OTUD7A: variants seen among roughly 807,000 people sequenced by gnomAD.
The protein encoded by OTUD7A is OTU domain-containing protein 7A.
A neutral mutation model predicts 65.7 loss-of-function variants in OTUD7A; 12 were observed. That is an observed-to-expected ratio of 0.18 (90% confidence interval 0.12 to 0.30). The LOEUF (loss-of-function observed/expected upper bound fraction) is 0.30. Ranked by LOEUF, OTUD7A falls within the 10% of genes least tolerant of loss-of-function variation. The probability of loss-of-function intolerance (pLI) is 1.00; values close to 1 mark genes in which losing one functional copy is unlikely to be tolerated. For missense variants in OTUD7A, 1,148 were observed against 1,304.8 expected (o/e 0.88, Z 1.85); for synonymous variants, 641 against 586.3 (o/e 1.09, Z -1.35).
intron 1 of OTUD7A, among the ~76,000 whole-genome samples, chr15:31,725,724 T>C (rs1893865744): frequency 6.6e-6 from 1 of 152,222 alleles, no homozygotes; most frequent in Non-Finnish European, 1.5e-5. Flanking sequence ...AAGTGGCAGA[T>C]GTCATTTTAA....
chr15:31,663,962 T>C (rs1399986738), intron 1 of OTUD7A, among the ~76,000 whole-genome samples: 1 of 152,196 alleles, frequency 6.6e-6, no homozygotes, highest in Non-Finnish European at 1.5e-5. Flanking sequence ...CTTAGAATAA[T>C]AGTCTCCAGT....
chr15:31,678,518 G>C (rs1437075095), intron 1 of OTUD7A, among the ~76,000 whole-genome samples: 4 of 152,206 alleles, frequency 2.6e-5, no homozygotes, highest in Non-Finnish European at 5.9e-5. Context: ...TTGCTGCTTT[G>C]TGCAGTCTCA....
chr15:31,547,581 A>G (rs1383082265), intron 5 of OTUD7A, among the ~76,000 whole-genome samples: 1 of 152,230 alleles, frequency 6.6e-6, no homozygotes, highest in Non-Finnish European at 1.5e-5. Context: ...ACAATGCAAT[A>G]GTGACTTAAT....
intron 8 of OTUD7A, among the ~76,000 whole-genome samples, chr15:31,515,628 C>G (rs2041836639): frequency 8.4e-6 from 1 of 118,860 alleles, no homozygotes; most frequent in Non-Finnish European, 1.8e-5. Flanking sequence ...CCACCCATCT[C>G]TCTTCCTTCC....
intron 8 of OTUD7A, among the ~76,000 whole-genome samples, chr15:31,505,451 G>A (rs1183491285): frequency 6.6e-6 from 1 of 152,140 alleles, no homozygotes; most frequent in Non-Finnish European, 1.5e-5. Context: ...ACAGGTCTTT[G>A]AATAAATTTT....
chr15:31,624,505 C>T (rs1890892751), intron 3 of OTUD7A, among the ~76,000 whole-genome samples: 1 of 151,882 alleles, frequency 6.6e-6, no homozygotes, highest in Non-Finnish European at 1.5e-5. Context: ...ACTGGGTTGG[C>T]CCCAGAGGGA....
chr15:31,487,841 G>A lies in OTUD7A; in HGVS notation c.1172-275C>T, dbSNP rs368619544. ...AGATACTCCATTGGGCAGCAGAATG[G>A]GAAAAAAGCTATTGCTGCCTCTGCT... On this transcript the variant is annotated intron_variant, in intron 10 of 12. Coordinates refer to ENST00000307050, the MANE Select transcript of OTUD7A (RefSeq NM_001382637.1). The surrounding 1 kb of genome is among the most constrained non-coding windows in gnomAD (Gnocchi z 6.0). 1.3e-5 allele frequency among the ~76,000 whole-genome samples: 2 copies of A among 152,160 alleles called. No individual in the cohort carries two copies. The highest frequency in any genetic ancestry group is 4.1e-4 in the South Asian group (2 of 4,828).
chr15:31,641,428 C>T (rs1891513841), intron 3 of OTUD7A, among the ~76,000 whole-genome samples: 1 of 152,036 alleles, frequency 6.6e-6, no homozygotes, highest in Non-Finnish European at 1.5e-5. Flanking sequence ...ATTCTCTGTC[C>T]TGGGATTTAT....
At chr15:31,634,837 C>T (rs1205273907) in intron 3 of OTUD7A, among the ~76,000 whole-genome samples, 1 of 152,216 alleles carries the variant, frequency 6.6e-6, no homozygotes, top group Non-Finnish European at 1.5e-5. Flanking sequence ...CTATCGGGCT[C>T]TGACTGAAAC....
chr15:31,855,310 A>C (rs901789070), intron 1 of OTUD7A, among the ~76,000 whole-genome samples: 8 of 152,244 alleles, frequency 5.3e-5, no homozygotes, highest in East Asian at 1.9e-4. Flanking sequence ...AAAAGACAGG[A>C]GAAATATCTC....
intron 1 of OTUD7A, among the ~76,000 whole-genome samples, chr15:31,817,258 AC>A (rs1429412974): frequency 7.2e-6 from 1 of 139,458 alleles, no homozygotes; most frequent in Non-Finnish European, 1.5e-5. Context: ...TTTGTATTAC[AC>A]CACCCTAGAT....
At chr15:31,754,489 C>T (rs1188840922) in intron 1 of OTUD7A, among the ~76,000 whole-genome samples, 2 of 152,104 alleles carry the variant, frequency 1.3e-5, no homozygotes, top group Non-Finnish European at 2.9e-5. Context: ...TTTATAGTTT[C>T]ATGTCTTAGA....
At chr15:31,506,193 C>A (rs961577136) in intron 8 of OTUD7A, among the ~76,000 whole-genome samples, 2 of 151,378 alleles carry the variant, frequency 1.3e-5, no homozygotes, top group Non-Finnish European at 2.9e-5. Flanking sequence ...AATAAAGGTA[C>A]AATATTGAGT....
chr15:31,684,134 C>T (rs1404509459), intron 1 of OTUD7A, among the ~76,000 whole-genome samples: 1 of 152,216 alleles, frequency 6.6e-6, no homozygotes, highest in Non-Finnish European at 1.5e-5. Flanking sequence ...ATTGTCTCCA[C>T]AAATAAGGTG....
At chr15:31,652,257 T>C (rs903169630) in intron 3 of OTUD7A, among the ~76,000 whole-genome samples, 1 of 152,228 alleles carries the variant, frequency 6.6e-6, no homozygotes, top group Non-Finnish European at 1.5e-5. Context: ...GGATATTTTC[T>C]ATAAATGATG....
intron 8 of OTUD7A, among the ~76,000 whole-genome samples, chr15:31,507,567 GGAGA>G (rs1025893054): frequency 3.3e-5 from 5 of 152,136 alleles, no homozygotes; most frequent in African/African-American, 7.2e-5. Flanking sequence ...GATTTATTGT[GGAGA>G]GAGAAAGAAC....
rs772724980 is a variant in OTUD7A, at chr15:31,487,457, C to T, written c.1281G>A (p.Leu427=). Residue 427 remains leucine (L), a synonymous_variant, in exon 11 of 13, where the codon CTG becomes CTA. Coordinates refer to ENST00000307050, the MANE Select transcript of OTUD7A (RefSeq NM_001382637.1). This position sits in a 1 kb window ranked among gnomAD's most constrained non-coding sequence, Gnocchi z 6.0. ...GGGACAGAGTAGGATCTTACTGGGC[C>T]AGCCGGGCGTTATCGTTGTCGTCTT... ...WGKDDNDNAR[L]AHLILSLEAK... is the part of the protein sequence containing the mutation. The T allele has an allele frequency of 2.5e-6, 4 of 1,613,754 alleles. No homozygotes were observed. The East Asian group carries it at 8.9e-5, about 36-fold the overall frequency.
intron 1 of OTUD7A, among the ~76,000 whole-genome samples, chr15:31,794,004 T>G (rs1213900571): frequency 6.6e-6 from 1 of 152,260 alleles, no homozygotes; most frequent in Admixed American, 6.5e-5. Flanking sequence ...ATTTGTGCTT[T>G]GAAGTTTAAT....
chr15:31,611,491 C>A (rs1219319471), intron 3 of OTUD7A, among the ~76,000 whole-genome samples: 1 of 152,112 alleles, frequency 6.6e-6, no homozygotes, highest in Non-Finnish European at 1.5e-5. Flanking sequence ...ACAACTGACA[C>A]CACAGAAATA....
Sources: gnomAD v4.1 joint callset for allele counts (sites outside exome capture counted in the v4.1 genomes callset) on GRCh38, gnomAD v4.1.1 for gene constraint, Gnocchi (gnomAD v3.1) non-coding constraint, MANE v1.5 for transcripts, NCBI Gene and HGNC (gene_info 2026-07-23, HGNC 2026-07-21) for gene names.